GARIN1A: variants seen among roughly 807,000 people sequenced by gnomAD.
GARIN1A encodes golgi associated RAB2 interactor 1A.
At chr7:128,680,448 GAGTT>G in the GARIN1A span, among the ~76,000 whole-genome samples, 4 of 152,202 alleles carry the variant, frequency 2.6e-5, no homozygotes, top group Non-Finnish European at 5.9e-5. Flanking sequence ...GCTCATGGTG[GAGTT>G]AGCTATTGAC....
the GARIN1A span, among the ~76,000 whole-genome samples, chr7:128,690,114 C>A: frequency 6.6e-6 from 1 of 152,180 alleles, no homozygotes; most frequent in African/African-American, 2.4e-5. Context: ...TACCCCCAAC[C>A]CCATGCTCTC....
chr7:128,689,246 C>T, the GARIN1A span, among the ~76,000 whole-genome samples: 3 of 152,262 alleles, frequency 2.0e-5, no homozygotes, highest in East Asian at 5.8e-4. Context: ...TGAGAAGCGT[C>T]TCTGCCTAGC....
the GARIN1A span, chr7:128,685,481 T>C: frequency 1.3e-5 from 2 of 152,204 alleles, no homozygotes; most frequent in African/African-American, 2.4e-5. Context: ...AGAAAGAACA[T>C]GGTTGCCCTC....
chr7:128,688,203 G>A, the GARIN1A span, among the ~76,000 whole-genome samples: 1 of 152,028 alleles, frequency 6.6e-6, no homozygotes, highest in Non-Finnish European at 1.5e-5. Context: ...GTAGAGATGG[G>A]GTTTCACTAG....
At chr7:128,692,935 GAGTGGTAA>G in the GARIN1A span, among the ~76,000 whole-genome samples, 1 of 152,238 alleles carries the variant, frequency 6.6e-6, no homozygotes, top group Non-Finnish European at 1.5e-5. Context: ...CAATCACTGA[GAGTGGTAA>G]AGCTTCATAA....
chr7:128,696,469 T>C, the GARIN1A span, among the ~76,000 whole-genome samples: 2 of 152,252 alleles, frequency 1.3e-5, no homozygotes, highest in African/African-American at 4.8e-5. Flanking sequence ...CTAGTCTTTC[T>C]GTCAACACAG....
the GARIN1A span, chr7:128,693,718 C>G: frequency 6.5e-6 from 1 of 152,732 alleles, no homozygotes; most frequent in South Asian, 2.1e-4. Flanking sequence ...TTGTCGTTGT[C>G]GCTGCTGCCT....
At chr7:128,709,166 A>G in the GARIN1A span, 16 of 152,370 alleles carry the variant, frequency 1.1e-4, no homozygotes, top group African/African-American at 3.8e-4. Context: ...AAGGGCAGAG[A>G]TAACTGTATC....
the GARIN1A span, among the ~76,000 whole-genome samples, chr7:128,692,554 A>G: frequency 1.1e-4 from 17 of 152,360 alleles, 1 homozygote; most frequent in East Asian, 3.1e-3. Context: ...TGGCATCTGC[A>G]AAAACAATCC....
chr7:128,708,602 G>A, the GARIN1A span, among the ~76,000 whole-genome samples: 1 of 152,062 alleles, frequency 6.6e-6, no homozygotes, highest in Non-Finnish European at 1.5e-5. Flanking sequence ...CCCTCAGACT[G>A]CTCTTCTCCA....
the GARIN1A span, chr7:128,680,243 G>A: frequency 1.6e-6 from 1 of 643,378 alleles, no homozygotes; most frequent in South Asian, 2.5e-5. Context: ...TGTATTCTTT[G>A]TATTTTAGAT....
chr7:128,681,470 C>A, the GARIN1A span, among the ~76,000 whole-genome samples: 1 of 128,574 alleles, frequency 7.8e-6, no homozygotes, highest in African/African-American at 2.9e-5. Flanking sequence ...CCCCTCCCCT[C>A]TCCTCTCCTC....
the GARIN1A span, among the ~76,000 whole-genome samples, chr7:128,695,938 C>A: frequency 2.0e-5 from 3 of 151,610 alleles, no homozygotes; most frequent in Admixed American, 1.3e-4. The surrounding 1 kb of genome is among the most constrained non-coding windows in gnomAD (Gnocchi z 4.5). Flanking sequence ...GGTTTTAAGA[C>A]ATTCCCAAGG....
the GARIN1A span, among the ~76,000 whole-genome samples, chr7:128,681,551 G>A: frequency 6.7e-6 from 1 of 148,942 alleles, no homozygotes. Context: ...GCCCAGGCTG[G>A]AGTGCAGTGC....
chr7:128,682,858 T>G, the GARIN1A span: 1 of 834,036 alleles, frequency 1.2e-6, no homozygotes, highest in Non-Finnish European at 1.8e-6. Context: ...ATTACAGGTG[T>G]GAGCCACTGC....
chr7:128,678,273 G>C, the GARIN1A span, among the ~76,000 whole-genome samples: 1 of 151,876 alleles, frequency 6.6e-6, no homozygotes, highest in Admixed American at 6.6e-5. Context: ...CACCCACCTT[G>C]GCCTCCCAAA....
At chr7:128,676,042 C>CA in the GARIN1A span, among the ~76,000 whole-genome samples, 74 of 133,348 alleles carry the variant, frequency 5.5e-4, no homozygotes, top group Non-Finnish European at 9.7e-4. Context: ...TTTTTTGAGA[C>CA]AGAGTCTCGC....
At chr7:128,689,293 G>A in the GARIN1A span, among the ~76,000 whole-genome samples, 164 of 150,976 alleles carry the variant, frequency 1.1e-3, no homozygotes, top group East Asian at 0.019. Flanking sequence ...CCCTCTGCCC[G>A]GCTGCCCAGT....
chr7:128,705,231 G>T, the GARIN1A span, among the ~76,000 whole-genome samples: 1 of 152,296 alleles, frequency 6.6e-6, no homozygotes, highest in South Asian at 2.1e-4. Flanking sequence ...GTTTCCATGT[G>T]TTGTCAGTAT....
Sources: allele counts gnomAD v4.1 joint callset (sites outside exome capture counted in the v4.1 genomes callset), GRCh38; gene constraint gnomAD v4.1.1; non-coding constraint Gnocchi (gnomAD v3.1); transcripts MANE v1.5; gene names NCBI Gene and HGNC (gene_info 2026-07-23, HGNC 2026-07-21).